FOXP2: variants seen among roughly 807,000 people sequenced by gnomAD.
FOXP2 encodes forkhead box P2.
Under a neutral mutation model 115.8 loss-of-function variants are expected in FOXP2, and 12 were observed. The ratio of observed to expected loss-of-function variants is 0.10; its 90% CI spans 0.07 to 0.17. The LOEUF is 0.17. Among genes scored for constraint, FOXP2 ranks in the 10% least tolerant of loss-of-function variants. FOXP2 has a pLI of 1.00. For missense variants in FOXP2, 629 were observed against 843.5 expected (o/e 0.75, Z 3.15); for synonymous variants, 328 against 297.7 (o/e 1.10, Z -1.05).
chr7:114,401,504 T>C (rs1012526272), intron 2 of FOXP2, among the ~76,000 whole-genome samples: 9 of 152,212 alleles, frequency 5.9e-5, no homozygotes, highest in Admixed American at 2.6e-4. Flanking sequence ...TATATTGCTT[T>C]ATTTAAGTGC....
intron 1 of FOXP2, among the ~76,000 whole-genome samples, chr7:114,238,071 A>G (rs1028166609): frequency 1.3e-5 from 2 of 152,220 alleles, no homozygotes; most frequent in East Asian, 1.9e-4. Context: ...AACTTTTGAC[A>G]TATGTATTTT....
intron 2 of FOXP2, among the ~76,000 whole-genome samples, chr7:114,323,241 G>A (rs552079795): frequency 3.3e-5 from 5 of 152,066 alleles, no homozygotes; most frequent in South Asian, 2.1e-4. Context: ...TTTCAGAATG[G>A]GATAGTTCCT....
At chr7:114,449,239 G>A (rs1225373324) in intron 2 of FOXP2, among the ~76,000 whole-genome samples, 1 of 151,948 alleles carries the variant, frequency 6.6e-6, no homozygotes, top group Admixed American at 6.6e-5. Context: ...TAAGTAGATA[G>A]AGGATCTAAA....
At chr7:114,136,868 C>T (rs1000661674) in intron 1 of FOXP2, among the ~76,000 whole-genome samples, 8 of 152,012 alleles carry the variant, frequency 5.3e-5, no homozygotes, top group African/African-American at 1.9e-4. Context: ...CAATATTATT[C>T]CACAGTGAAT....
intron 2 of FOXP2, among the ~76,000 whole-genome samples, chr7:114,465,706 A>T (rs1485394318): frequency 2.6e-5 from 4 of 152,180 alleles, no homozygotes; most frequent in African/African-American, 7.2e-5. Context: ...CCAATCTTAG[A>T]TTCCTATTTT....
intron 2 of FOXP2, among the ~76,000 whole-genome samples, chr7:114,519,141 T>C (rs1237256359): frequency 6.6e-6 from 1 of 152,184 alleles, no homozygotes; most frequent in Non-Finnish European, 1.5e-5. Context: ...AAACATGGCA[T>C]AGCTAAGATC....
intron 2 of FOXP2, among the ~76,000 whole-genome samples, chr7:114,455,311 T>G (rs1027052296): frequency 6.6e-6 from 1 of 152,192 alleles, no homozygotes; most frequent in African/African-American, 2.4e-5. Context: ...CCCTCTGTAT[T>G]TACCAGTCAT....
chr7:114,092,141 A>AT, intron 1 of FOXP2, among the ~76,000 whole-genome samples: 1 of 152,128 alleles, frequency 6.6e-6, no homozygotes, highest in African/African-American at 2.4e-5. Context: ...AGATCTCAGC[A>AT]TTTTTTTAGT....
At chr7:114,535,962 C>T (rs545001809) in intron 3 of FOXP2, among the ~76,000 whole-genome samples, 4 of 151,694 alleles carry the variant, frequency 2.6e-5, no homozygotes, top group Non-Finnish European at 4.4e-5. Context: ...TTCTGTGTCA[C>T]TTTCCTCACC....
intron 2 of FOXP2, among the ~76,000 whole-genome samples, chr7:114,462,213 G>A (rs202177685): frequency 6.9e-6 from 1 of 144,006 alleles, no homozygotes; most frequent in East Asian, 2.1e-4. Context: ...CCCGGGAGGC[G>A]GAGGTTGCAG....
chr7:114,190,897 C>T (rs1455635763), intron 1 of FOXP2, among the ~76,000 whole-genome samples: 4 of 152,082 alleles, frequency 2.6e-5, no homozygotes, highest in African/African-American at 7.2e-5. Context: ...GAGGAGGTAT[C>T]TGGTTGTGTG....
chr7:114,617,361 C>T (rs1026341910), intron 3 of FOXP2, among the ~76,000 whole-genome samples: 2 of 152,210 alleles, frequency 1.3e-5, no homozygotes, highest in African/African-American at 4.8e-5. Context: ...CCCTTCCTCT[C>T]TATCCCATTC....
At chr7:114,374,615 C>T (rs59093423) in intron 2 of FOXP2, among the ~76,000 whole-genome samples, 2,548 of 152,136 alleles carry the variant, frequency 0.017, 70 homozygotes, top group African/African-American at 0.057. Flanking sequence ...AAGGAATTCC[C>T]GTGGCCATCT....
chr7:114,603,272 A>T (rs552513459), intron 3 of FOXP2, among the ~76,000 whole-genome samples: 1 of 152,336 alleles, frequency 6.6e-6, no homozygotes, highest in African/African-American at 2.4e-5. Context: ...ATACCCTTTC[A>T]ATGTTGAGCA....
intron 2 of FOXP2, among the ~76,000 whole-genome samples, chr7:114,344,832 CAT>C (rs1791304169): frequency 6.6e-6 from 1 of 151,606 alleles, no homozygotes; most frequent in East Asian, 1.9e-4. Flanking sequence ...TATGAGCAGA[CAT>C]AACAAAATGA....
At chr7:114,624,466 A>G (rs1030496783) in intron 3 of FOXP2, among the ~76,000 whole-genome samples, 5 of 151,906 alleles carry the variant, frequency 3.3e-5, no homozygotes, top group Non-Finnish European at 7.4e-5. Context: ...CATTTAGTGA[A>G]GAAAGAATTG....
intron 3 of FOXP2, among the ~76,000 whole-genome samples, chr7:114,573,296 T>A (rs547264066): frequency 6.6e-6 from 1 of 151,978 alleles, no homozygotes; most frequent in East Asian, 1.9e-4. Context: ...GGCTACATAA[T>A]GTGATTTAAA....
Position 114,399,459 on chromosome 7 carries a change from G to T in FOXP2, c.-10-27043G>T, listed in dbSNP as rs577121261. Among the ~76,000 whole-genome samples the T allele has an allele frequency of 5.3e-5, 8 of 152,118 alleles. No individual in the cohort carries two copies. The South Asian group carries it at 1.7e-3, about 32-fold the overall frequency. ...TCTTATTTTTCTGACTGGCTTACAAGAATTCCTGATATATTCTGGGTATTA... is the reference window on the plus strand; with the variant it reads ...TCTTATTTTTCTGACTGGCTTACAATAATTCCTGATATATTCTGGGTATTA... On this transcript the variant is annotated intron_variant, in intron 2 of 17. Coordinates refer to the FOXP2 transcript ENST00000634411.
At position 114,639,593 on chromosome 7, in the gene FOXP2, A is replaced by G. The variant is rs116370705; in HGVS notation, c.776-2817A>G. Among the ~76,000 whole-genome samples the G allele has an allele frequency of 7.4e-3, 1,132 of 152,068 alleles. 12 individuals are homozygous for G. The highest frequency in any genetic ancestry group is 0.026 in the African/African-American group (1,066 of 41,482). ...GGAGGGTGGGGAGGGGCAGGGGTTGATAGTATGGTTGGAAACTTAGAGGAG... is the reference window on the plus strand; with the variant it reads ...GGAGGGTGGGGAGGGGCAGGGGTTGGTAGTATGGTTGGAAACTTAGAGGAG... On this transcript the variant is annotated intron_variant, in intron 6 of 16. Coordinates refer to ENST00000350908, the MANE Select transcript of FOXP2 (RefSeq NM_014491.4).
Sources: gnomAD v4.1 joint callset for allele counts (sites outside exome capture counted in the v4.1 genomes callset) on GRCh38, gnomAD v4.1.1 for gene constraint, MANE v1.5 for transcripts, NCBI Gene and HGNC (gene_info 2026-07-23, HGNC 2026-07-21) for gene names.